The following PCDHGA1 variants were observed in gnomAD, a reference collection of about 807,000 sequenced individuals.
The protein encoded by PCDHGA1 is protocadherin gamma subfamily A, 1, also known as protocadherin gamma-A1.
In PCDHGA1, 32 loss-of-function variants were observed where a neutral mutation model predicts 58.0. The observed-to-expected ratio is 0.55, with a 90% CI of 0.42 to 0.74. PCDHGA1 has a LOEUF of 0.74. Ranked by LOEUF, PCDHGA1 falls within the 30% of genes least tolerant of loss-of-function variation. PCDHGA1 has a pLI of 0.00. For synonymous variants in PCDHGA1, 498 were observed against 501.1 expected, an observed-to-expected ratio of 0.99 and a Z score of 0.08; for missense variants, 1,205 against 1,182.3, an observed-to-expected ratio of 1.02 and a Z score of -0.28.
At chr5:141,419,297 G>A (rs1460451634) in intron 1 of PCDHGA1, 1 of 1,614,048 alleles carries the variant, frequency 6.2e-7, no homozygotes, top group Admixed American at 1.7e-5. Context: ...CTCTGACCCA[G>A]ACTTCGGGCT....
In PCDHGA1 at chr5:141,438,621, TATATATATATATATACACAC is replaced by T. The variant is rs1185208192; in HGVS notation, c.2422-56184_2422-56165del. Among the ~76,000 whole-genome samples, 212 of 41,372 alleles carry T rather than the reference TATATATATATATATACACAC, an allele frequency of 5.1e-3. 1 individual carries two copies. The highest frequency in any genetic ancestry group is 0.03 in the African/African-American group (177 of 5,808). 27.1% of individuals were successfully genotyped at this position (41,372 alleles called of 152,430 possible). On this transcript the variant is annotated intron_variant, in intron 1 of 3. Transcript: ENST00000517417. ...ATATATATATATATATATATATATA[TATATATATATATATACACAC>T]ACACACACACATATATGTATATATA...
intron 1 of PCDHGA1, chr5:141,415,033 C>G (rs1207811183): frequency 1.2e-6 from 2 of 1,613,456 alleles, no homozygotes; most frequent in South Asian, 1.1e-5. Flanking sequence ...CGAGCCGGGA[C>G]TCTTCGCGGT....
chr5:141,423,516 C>T (rs2096749721), intron 1 of PCDHGA1: 1 of 1,613,732 alleles, frequency 6.2e-7, no homozygotes, highest in Non-Finnish European at 8.5e-7. Flanking sequence ...TCATTGCGGA[C>T]TCGCAGAAGA....
rs1280755615 is a variant in PCDHGA1 at position 141,431,629 on chromosome 5, A to C, written c.2422-63178A>C. On this transcript the variant is annotated intron_variant, in intron 1 of 3. Transcript: ENST00000517417. This position sits in a 1 kb window ranked among gnomAD's most constrained non-coding sequence, Gnocchi z 4.8. ...GGTATGTGGACGACAAGGCGGCCCA[A>C]GTTTTCAAACTAGATTGTAATTCAG... 6.2e-7 allele frequency: 1 copy of C among 1,614,246 alleles called. No individual in the cohort carries two copies. Among genetic ancestry groups the C allele is most frequent in the South Asian group, 1.1e-5 (1 of 91,090 alleles).
chr5:141,388,923 TTCCAG>T (rs1561622090), intron 1 of PCDHGA1: 2 of 1,614,002 alleles, frequency 1.2e-6, no homozygotes, highest in Admixed American at 1.7e-5. Context: ...AGAAGTGATA[TTCCAG>T]TCTCTACCCA....
chr5:141,415,128 G>C (rs376477668), intron 1 of PCDHGA1: 33 of 1,613,528 alleles, frequency 2.0e-5, no homozygotes, highest in Admixed American at 5.0e-5. Context: ...TGGCCGTCCA[G>C]GACCACGGCC....
chr5:141,357,432 C>T (rs1217622560), intron 1 of PCDHGA1: 3 of 1,614,094 alleles, frequency 1.9e-6, no homozygotes, highest in African/African-American at 1.3e-5. Flanking sequence ...TGGGCGTGGA[C>T]GGGGTTCGGG....
chr5:141,505,267 A>G (rs2099845018), intron 2 of PCDHGA1, 126 bp from the exon 3 acceptor site: 1 of 1,514,640 alleles, frequency 6.6e-7, no homozygotes, highest in Admixed American at 2.0e-5. Flanking sequence ...TACCTTGCTG[A>G]GAGAAACAGG....
intron 1 of PCDHGA1, chr5:141,379,352 A>G (rs1189647778): frequency 1.3e-5 from 2 of 152,198 alleles, no homozygotes; most frequent in Non-Finnish European, 2.9e-5. Flanking sequence ...ATTTTCTTGT[A>G]TCTTTGTGAT....
chr5:141,399,796 C>A (rs62621781), intron 1 of PCDHGA1: 1 of 1,613,212 alleles, frequency 6.2e-7, no homozygotes. Context: ...CAACGCACCG[C>A]GGGTGCTGTA....
At chr5:141,350,352 T>C (rs1758454305) in intron 1 of PCDHGA1, 1 of 1,562,780 alleles carries the variant, frequency 6.4e-7, no homozygotes, top group Non-Finnish European at 8.7e-7. Context: ...TCCCAGCAGA[T>C]CCGATACACG....
intron 1 of PCDHGA1, chr5:141,413,467 G>T: frequency 6.2e-7 from 1 of 1,614,136 alleles, no homozygotes; most frequent in Non-Finnish European, 8.5e-7. Context: ...AGACCGGGAG[G>T]AGCTCTGCGC....
intron 1 of PCDHGA1, chr5:141,389,349 A>C: frequency 5.6e-6 from 9 of 1,613,980 alleles, no homozygotes; most frequent in Non-Finnish European, 7.6e-6. Flanking sequence ...CTCTTACTGC[A>C]TCATGGCCAG....
At chr5:141,345,170 T>C (rs1223541930) in intron 1 of PCDHGA1, 8 of 1,613,882 alleles carry the variant, frequency 5.0e-6, no homozygotes, top group East Asian at 2.2e-5. Flanking sequence ...CTGGGCAGAA[T>C]GGGCAGGTTG....
intron 1 of PCDHGA1, chr5:141,360,536 A>G (rs1213416174): frequency 6.2e-7 from 1 of 1,613,884 alleles, no homozygotes; most frequent in African/African-American, 1.3e-5. Flanking sequence ...CCGCTATTCA[A>G]ACAGACTAAG....
intron 1 of PCDHGA1, chr5:141,361,674 G>A: frequency 5.0e-6 from 8 of 1,613,644 alleles, no homozygotes; most frequent in Non-Finnish European, 6.8e-6. Context: ...AGAGCGGGGT[G>A]GTGTTCGCGC....
chr5:141,343,927 C>G (rs1344089200), intron 1 of PCDHGA1: 5 of 1,040,738 alleles, frequency 4.8e-6, no homozygotes, highest in African/African-American at 1.6e-5. Flanking sequence ...AGCTGTTTGA[C>G]CTGTGAATTA....
In PCDHGA1 at chr5:141,357,339, A is replaced by T. The variant is rs771047184; in HGVS notation, c.2421+24234A>T. 8.7e-6 allele frequency: 14 copies of T among 1,613,986 alleles called. No homozygotes were observed. In the South Asian group the frequency reaches 1.5e-4, roughly 18 times the overall value. On this transcript the variant is annotated intron_variant, in intron 1 of 3. Transcript: ENST00000517417. Reference sequence around the variant, plus strand: ...TGGCTTTTGTCACGGTGCTGCTAGCACTCAAGCTGAGACGCTGGCACAAGT... The same window carrying T: ...TGGCTTTTGTCACGGTGCTGCTAGCTCTCAAGCTGAGACGCTGGCACAAGT...
chr5:141,472,218 G>A (rs1206861601), intron 1 of PCDHGA1, among the ~76,000 whole-genome samples: 3 of 152,054 alleles, frequency 2.0e-5, no homozygotes, highest in Admixed American at 2.0e-4. Flanking sequence ...CCTTACTCTC[G>A]ATCATATAAT....
Sources: gnomAD v4.1 joint callset for allele counts (sites outside exome capture counted in the v4.1 genomes callset) on GRCh38, gnomAD v4.1.1 for gene constraint, Gnocchi (gnomAD v3.1) non-coding constraint, MANE v1.5 for transcripts, NCBI Gene and HGNC (gene_info 2026-07-23, HGNC 2026-07-21) for gene names.